LRRC1: variants seen among roughly 807,000 people sequenced by gnomAD.
LRRC1 encodes the protein leucine-rich repeat-containing protein 1.
LRRC1 carries 28 observed loss-of-function variants against 69.9 expected under a neutral mutation model. The ratio of observed to expected loss-of-function variants is 0.40; its 90% CI spans 0.30 to 0.55. The LOEUF (loss-of-function observed/expected upper bound fraction) is 0.55. LRRC1 is among the 20% of genes least tolerant of loss of function. The probability of loss-of-function intolerance (pLI) is 0.47; values close to 1 mark genes in which losing one functional copy is unlikely to be tolerated. For missense variants in LRRC1, 498 were observed against 609.0 expected (o/e 0.82, Z 1.92); for synonymous variants, 236 against 240.2 (o/e 0.98, Z 0.16).
chr6:53,905,280 G>A (rs1349695728), intron 10 of LRRC1: 1 of 146,688 alleles, frequency 6.8e-6, no homozygotes, highest in East Asian at 2.0e-4. Flanking sequence ...GTTGCAGTGA[G>A]CCGAGACCAC....
intron 2 of LRRC1, among the ~76,000 whole-genome samples, chr6:53,853,032 A>G (rs1429656069): frequency 6.6e-6 from 1 of 152,180 alleles, no homozygotes; most frequent in Non-Finnish European, 1.5e-5. Context: ...CCTTGTTGCC[A>G]TGTCCTCACA....
chr6:53,863,704 A>G (rs1766603545), intron 2 of LRRC1, among the ~76,000 whole-genome samples: 1 of 152,172 alleles, frequency 6.6e-6, no homozygotes, highest in South Asian at 2.1e-4. Flanking sequence ...TTTTGAAGGT[A>G]TACTCTACCC....
rs754836779 is a variant in LRRC1 at position 53,795,340 on chromosome 6, C to G, written c.84C>G (p.Pro28=). The G allele has an allele frequency of 7.4e-6, 12 of 1,613,746 alleles. No homozygotes were observed. Among genetic ancestry groups the G allele is most frequent in the Non-Finnish European group, 1.0e-5 (12 of 1,179,960 alleles). Residue 28 remains proline, a synonymous_variant, in exon 1 of 14, where the codon CCC becomes CCG. Coordinates refer to ENST00000370888, the MANE Select transcript of LRRC1 (RefSeq NM_018214.5). ...DKRHCSLVYV[P]EEIYRYARSL... ...GCCACTGCTCGCTGGTCTACGTCCCCGAGGAGATCTACCGCTATGCCCGGA... is the reference window on the plus strand; with the variant it reads ...GCCACTGCTCGCTGGTCTACGTCCCGGAGGAGATCTACCGCTATGCCCGGA...
At chr6:53,806,423 G>T (rs906605571) in intron 1 of LRRC1, among the ~76,000 whole-genome samples, 1 of 152,242 alleles carries the variant, frequency 6.6e-6, no homozygotes, top group South Asian at 2.1e-4. Context: ...TATAGTCCTT[G>T]TGTGTATGGG....
intron 4 of LRRC1, chr6:53,884,058 G>C (rs1486269477): frequency 8.4e-6 from 6 of 714,734 alleles, no homozygotes; most frequent in South Asian, 4.5e-5. Context: ...TAAAAATTCT[G>C]CCCTTAAACT....
intron 1 of LRRC1, among the ~76,000 whole-genome samples, chr6:53,806,803 G>T (rs555145857): frequency 6.6e-6 from 1 of 152,242 alleles, no homozygotes; most frequent in Non-Finnish European, 1.5e-5. Flanking sequence ...TTGATTCCCA[G>T]AACCAATTAA....
At chr6:53,815,873 C>G (rs1422172958) in intron 1 of LRRC1, among the ~76,000 whole-genome samples, 2 of 152,170 alleles carry the variant, frequency 1.3e-5, no homozygotes, top group Non-Finnish European at 2.9e-5. Flanking sequence ...AATGCTAACA[C>G]TGAAAAATAA....
At chr6:53,902,200 T>C (rs540540981) in intron 8 of LRRC1, among the ~76,000 whole-genome samples, 1 of 152,370 alleles carries the variant, frequency 6.6e-6, no homozygotes, top group East Asian at 1.9e-4. Context: ...CCTGTAGAAA[T>C]ACCGCACTGT....
intron 1 of LRRC1, among the ~76,000 whole-genome samples, chr6:53,796,393 CGGTGTGCAATAATCCAAA>C (rs1252585682): frequency 6.6e-6 from 1 of 152,038 alleles, no homozygotes; most frequent in East Asian, 1.9e-4. Context: ...TGCAGGAAGT[CGGTGTGCAATAATCCAAA>C]GGTGTGCAGG....
At chr6:53,916,883 A>C (rs1581920699) in intron 11 of LRRC1, among the ~76,000 whole-genome samples, 1 of 152,308 alleles carries the variant, frequency 6.6e-6, no homozygotes, top group East Asian at 1.9e-4. Context: ...CATGGACATA[A>C]CTGGAGACAA....
At chr6:53,861,143 T>C (rs1766499001) in intron 2 of LRRC1, among the ~76,000 whole-genome samples, 1 of 151,862 alleles carries the variant, frequency 6.6e-6, no homozygotes, top group South Asian at 2.1e-4. Context: ...ATGTAACAAA[T>C]TTGCATGTGT....
At chr6:53,908,917 A>G (rs1323632439) in intron 10 of LRRC1, among the ~76,000 whole-genome samples, 1 of 152,220 alleles carries the variant, frequency 6.6e-6, no homozygotes. Context: ...AAAAAAATTT[A>G]ATAATGCCAA....
intron 1 of LRRC1, among the ~76,000 whole-genome samples, chr6:53,809,870 A>G (rs776451235): frequency 4.6e-4 from 70 of 152,220 alleles, no homozygotes; most frequent in Non-Finnish European, 8.2e-4. Flanking sequence ...CACATCAGGA[A>G]GCCTGAAGGT....
intron 10 of LRRC1, among the ~76,000 whole-genome samples, chr6:53,906,017 A>C (rs1213261183): frequency 6.6e-6 from 1 of 152,226 alleles, no homozygotes; most frequent in African/African-American, 2.4e-5. Flanking sequence ...TGGATAGTAG[A>C]TTGGGCATAT....
At chr6:53,881,033 A>G (rs1159042078) in intron 3 of LRRC1, among the ~76,000 whole-genome samples, 2 of 152,114 alleles carry the variant, frequency 1.3e-5, no homozygotes, top group African/African-American at 4.8e-5. Context: ...TGCTCTCTCA[A>G]CTGGAACACA....
intron 4 of LRRC1, among the ~76,000 whole-genome samples, chr6:53,890,574 T>C (rs148906560): frequency 6.6e-6 from 1 of 152,336 alleles, no homozygotes; most frequent in Admixed American, 6.5e-5. Flanking sequence ...TAAATCCTTT[T>C]TTTGAAAACT....
At chr6:53,890,600 G>A (rs1266471548) in intron 4 of LRRC1, among the ~76,000 whole-genome samples, 6 of 152,002 alleles carry the variant, frequency 3.9e-5, no homozygotes, top group Admixed American at 2.0e-4. Flanking sequence ...CATATTTAAT[G>A]TTCTTTTTTG....
intron 2 of LRRC1, among the ~76,000 whole-genome samples, chr6:53,859,067 G>A (rs1766411559): frequency 2.0e-5 from 3 of 152,140 alleles, no homozygotes; most frequent in Admixed American, 2.0e-4. Context: ...ATAGCAGAAG[G>A]AAGATTCTTG....
At chr6:53,895,216 C>T (rs1365345279) in intron 4 of LRRC1, among the ~76,000 whole-genome samples, 10 of 152,310 alleles carry the variant, frequency 6.6e-5, no homozygotes, top group Admixed American at 2.6e-4. Context: ...CCGCGCCCGG[C>T]TGGGAGTTTG....
Sources: allele counts gnomAD v4.1 joint callset (sites outside exome capture counted in the v4.1 genomes callset), GRCh38; gene constraint gnomAD v4.1.1; transcripts MANE v1.5; gene names NCBI Gene and HGNC (gene_info 2026-07-23, HGNC 2026-07-21).